Variants in XYLT1 observed in about 807,000 individuals in gnomAD.
The protein encoded by XYLT1 is beta-D-xylosyltransferase 1.
XYLT1 carries 36 observed loss-of-function variants against 91.3 expected under a neutral mutation model. That is an observed-to-expected ratio of 0.39 (90% CI 0.30 to 0.52). The LOEUF is 0.52. Ranked by LOEUF, XYLT1 falls within the 20% of genes least tolerant of loss-of-function variation. The probability of loss-of-function intolerance (pLI) is 0.68; values close to 1 mark genes in which losing one functional copy is unlikely to be tolerated. For synonymous variants in XYLT1, 588 were observed against 532.0 expected, an observed-to-expected ratio of 1.11 and a Z score of -1.45; for missense variants, 1,242 against 1,284.5, an observed-to-expected ratio of 0.97 and a Z score of 0.51.
At chr16:17,285,733 CT>C (rs926107612) in intron 2 of XYLT1, among the ~76,000 whole-genome samples, 55 of 152,306 alleles carry the variant, frequency 3.6e-4, no homozygotes, top group African/African-American at 1.2e-3. Context: ...CTACAGAACA[CT>C]TTTACCAACT....
At chr16:17,384,901 C>T (rs995592082) in intron 1 of XYLT1, among the ~76,000 whole-genome samples, 8 of 151,826 alleles carry the variant, frequency 5.3e-5, no homozygotes, top group African/African-American at 1.9e-4. Flanking sequence ...GTTGTTGCTG[C>T]CTCTGTCATG....
intron 1 of XYLT1, among the ~76,000 whole-genome samples, chr16:17,442,907 A>C (rs1193681314): frequency 1.3e-5 from 2 of 151,588 alleles, no homozygotes; most frequent in African/African-American, 4.9e-5. Context: ...TCACATATTC[A>C]TCTCCTAAAT....
intron 6 of XYLT1, among the ~76,000 whole-genome samples, chr16:17,142,691 C>T (rs1466366437): frequency 6.6e-6 from 1 of 151,788 alleles, no homozygotes; most frequent in Non-Finnish European, 1.5e-5. Flanking sequence ...GATCCACCCA[C>T]CTTGGCCTCA....
At chr16:17,210,707 G>A (rs79586723) in intron 3 of XYLT1, among the ~76,000 whole-genome samples, 4,233 of 152,318 alleles carry the variant, frequency 0.028, 191 homozygotes, top group African/African-American at 0.096. Flanking sequence ...ACCTTGCCCA[G>A]TGTGTTCTTA....
intron 8 of XYLT1, among the ~76,000 whole-genome samples, chr16:17,137,994 G>GTAAC (rs1354407236): frequency 6.6e-6 from 1 of 151,886 alleles, no homozygotes; most frequent in Non-Finnish European, 1.5e-5. Flanking sequence ...GGGTACAAAT[G>GTAAC]TAACAAATAT....
rs1332299437 is a variant in XYLT1, at chr16:17,103,635, G to A, written c.*5060C>T. 6.6e-6 allele frequency: 1 copy of A among 152,210 alleles called. No individual in the cohort carries two copies. Among genetic ancestry groups the A allele is most frequent in the East Asian group, 1.9e-4 (1 of 5,178 alleles). 9.4% of individuals were successfully genotyped at this position (152,210 alleles called of 1,614,324 possible). A position where few individuals can be genotyped will look rare whatever the true frequency, so the allele number is the denominator to read the frequency against. ...TTTGTTTTGTTTTTGAAGGAGGGATGGGAGAAGCAAGTTGGAGGAACATGA... is the reference window on the plus strand; with the variant it reads ...TTTGTTTTGTTTTTGAAGGAGGGATAGGAGAAGCAAGTTGGAGGAACATGA... On this transcript the variant is annotated 3_prime_UTR_variant, in exon 12 of 12. Transcript: ENST00000261381.
At chr16:17,109,962 T>A (rs1191157613) in intron 11 of XYLT1, among the ~76,000 whole-genome samples, 1 of 152,030 alleles carries the variant, frequency 6.6e-6, no homozygotes, top group Non-Finnish European at 1.5e-5. Context: ...TGAGGTGGGG[T>A]GGGAGGTCAA....
chr16:17,211,082 T>C (rs1345994887), intron 3 of XYLT1, among the ~76,000 whole-genome samples: 1 of 152,168 alleles, frequency 6.6e-6, no homozygotes, highest in African/African-American at 2.4e-5. Flanking sequence ...TAAAATAAAA[T>C]GTGCTTACAT....
chr16:17,377,300 G>A (rs1435881233), intron 1 of XYLT1, among the ~76,000 whole-genome samples: 1 of 151,118 alleles, frequency 6.6e-6, no homozygotes, highest in Non-Finnish European at 1.5e-5. Flanking sequence ...TGGTTCTAGT[G>A]CCTATGTTGT....
intron 2 of XYLT1, among the ~76,000 whole-genome samples, chr16:17,282,665 G>A (rs1174427066): frequency 6.6e-6 from 1 of 152,224 alleles, no homozygotes; most frequent in Non-Finnish European, 1.5e-5. Context: ...CTTTCATGGT[G>A]TAACTGTGAA....
chr16:17,328,530 C>T (rs2034846900), intron 2 of XYLT1, among the ~76,000 whole-genome samples: 1 of 109,084 alleles, frequency 9.2e-6, no homozygotes, highest in Non-Finnish European at 1.7e-5. Context: ...GCTTGGGTGA[C>T]TGAGCAAGAC....
At chr16:17,461,933 AT>A (rs1180109544) in intron 1 of XYLT1, among the ~76,000 whole-genome samples, 12 of 152,212 alleles carry the variant, frequency 7.9e-5, no homozygotes, top group African/African-American at 2.7e-4. Context: ...CAATAAAAGC[AT>A]GTCTTTTTAG....
At chr16:17,267,016 C>T (rs1466663238) in intron 2 of XYLT1, among the ~76,000 whole-genome samples, 1 of 152,242 alleles carries the variant, frequency 6.6e-6, no homozygotes, top group Non-Finnish European at 1.5e-5. Flanking sequence ...GTGGACCACG[C>T]TGGACGCAGG....
At chr16:17,452,284 T>C (rs1299728952) in intron 1 of XYLT1, among the ~76,000 whole-genome samples, 1 of 151,138 alleles carries the variant, frequency 6.6e-6, no homozygotes, top group East Asian at 1.9e-4. Context: ...TACTTTCTTT[T>C]GTTTGATTCT....
intron 1 of XYLT1, among the ~76,000 whole-genome samples, chr16:17,397,169 G>A (rs952862861): frequency 6.6e-6 from 1 of 152,184 alleles, no homozygotes; most frequent in African/African-American, 2.4e-5. Context: ...CCTGGAGGGT[G>A]ACAACGTAAA....
chr16:17,138,542 G>GAGAGGGACCCAGCCTGAGACCTCTCCC lies in XYLT1; in HGVS notation c.1588-38_1588-12dup. On this transcript the variant is annotated splice_polypyrimidine_tract_variant and intron_variant, in intron 7 of 11. Coordinates refer to ENST00000261381, the MANE Select transcript of XYLT1 (RefSeq NM_022166.4). ...CGTATGGAAGAAGGACTGCAGGGGA[G>GAGAGGGACCCAGCCTGAGACCTCTCCC]AGAGGGACCCAGCCTGAGACCTCTC... The GAGAGGGACCCAGCCTGAGACCTCTCCC allele has an allele frequency of 6.2e-7, 1 of 1,611,618 alleles. No homozygotes were observed. Among genetic ancestry groups the GAGAGGGACCCAGCCTGAGACCTCTCCC allele is most frequent in the East Asian group, 2.2e-5 (1 of 44,788 alleles).
chr16:17,211,241 AG>A (rs1185934669), intron 3 of XYLT1, among the ~76,000 whole-genome samples: 1 of 152,190 alleles, frequency 6.6e-6, no homozygotes, highest in Admixed American at 6.5e-5. Context: ...CTTCCAAACT[AG>A]GATGTGCTGA....
At chr16:17,365,651 T>C (rs1236522292) in intron 1 of XYLT1, among the ~76,000 whole-genome samples, 3 of 152,214 alleles carry the variant, frequency 2.0e-5, no homozygotes, top group African/African-American at 7.2e-5. Flanking sequence ...AGCTGGTCTT[T>C]CTGCTATCCT....
rs368060072 is a variant in XYLT1 at position 17,138,389 on chromosome 16, T to C, written c.1730A>G (p.Asn577Ser). ...HIVDWCGCSP[N>S]DFKPQDFHRF... ...GTGGAAGTCCTGCGGCTTGAAGTCA[T>C]TGGGGGAGCAGCCGCACCAGTCCAC... Residue 577 changes from asparagine (N) to serine (S), a missense_variant, in exon 8 of 12, where the codon AAT (asparagine) becomes AGT (serine). By Grantham distance (46) the Asn-to-Ser change is conservative (BLOSUM62 1). Transcript: ENST00000261381. The C allele has an allele frequency of 4.5e-5, 73 of 1,613,878 alleles. No homozygotes were observed. Among genetic ancestry groups the C allele is most frequent in the Non-Finnish European group, 5.4e-5 (64 of 1,179,982 alleles).
Sources: gnomAD v4.1 joint callset for allele counts (sites outside exome capture counted in the v4.1 genomes callset) on GRCh38, gnomAD v4.1.1 for gene constraint, MANE v1.5 for transcripts, NCBI Gene and HGNC (gene_info 2026-07-23, HGNC 2026-07-21) for gene names.